Variants in DACT2 observed in about 807,000 individuals in gnomAD.
DACT2 encodes the protein dishevelled binding antagonist of beta catenin 2.
A neutral mutation model predicts 22.2 loss-of-function variants in DACT2; 20 were observed. That is an observed-to-expected ratio of 0.90 (90% CI 0.63 to 1.31). The LOEUF (loss-of-function observed/expected upper bound fraction) is 1.31. Ranked by LOEUF, DACT2 falls within the 50% of genes most tolerant of loss-of-function variation. The pLI, the probability that DACT2 is intolerant of heterozygous loss-of-function variation, is 0.00. For synonymous variants in DACT2, 463 were observed against 479.8 expected, an observed-to-expected ratio of 0.96 and a Z score of 0.46; for missense variants, 1,048 against 1,061.4, an observed-to-expected ratio of 0.99 and a Z score of 0.18.
At chr6:168,316,323 G>A (rs543346443) in intron 1 of DACT2, among the ~76,000 whole-genome samples, 1 of 137,796 alleles carries the variant, frequency 7.3e-6, no homozygotes, top group African/African-American at 2.7e-5. Context: ...CAGAAGCTGC[G>A]ATTGTGTCTG....
At position 168,307,255 on chromosome 6, in the gene DACT2, G is replaced by A. The variant is rs982296605; in HGVS notation, c.*177C>T. On this transcript the variant is annotated 3_prime_UTR_variant, in exon 4 of 4. Coordinates refer to ENST00000366795, the MANE Select transcript of DACT2 (RefSeq NM_214462.5). The surrounding 1 kb of genome is among the most constrained non-coding windows in gnomAD (Gnocchi z 5.3). ...TCCGCATGGAAGTCTTTGCTGGGGC[G>A]GGGACTCACGGCCATACTCCACAGG... 36 of 1,420,612 alleles carry A rather than the reference G, an allele frequency of 2.5e-5. No individual in the cohort carries two copies. Among genetic ancestry groups the A allele is most frequent in the Admixed American group, 1.5e-4 (5 of 32,858 alleles). 88.0% of individuals were successfully genotyped at this position (1,420,612 alleles called of 1,614,324 possible).
intron 1 of DACT2, among the ~76,000 whole-genome samples, chr6:168,312,101 C>T (rs1344711211): frequency 6.6e-6 from 1 of 152,202 alleles, no homozygotes; most frequent in African/African-American, 2.4e-5. Flanking sequence ...CTGTTACAGG[C>T]TTCGGCAGAG....
rs1413159198 is a variant in DACT2 at position 168,308,699 on chromosome 6, T to C, written c.1058A>G (p.Glu353Gly). 6.5e-7 allele frequency: 1 copy of C among 1,547,828 alleles called. No individual in the cohort carries two copies. ...CGCTGCATGCCTTAGAGGTCCCTGT[T>C]CTCCCTCGCTACCCTTTGCTGGGGT... The part of the protein sequence containing the change: ...RETPAKGSEG[E>G]QGPLRHAASP... The change falls in exon 4 of 4, where the codon GAA becomes GGA. Residue 353 changes from glutamate to glycine, a missense_variant. Transcript: ENST00000366795.
rs1779317674 is a variant in DACT2, at chr6:168,309,031, G to A, written c.726C>T (p.Leu242=). ...TATCCACCCCCTGGCAGAGGAGCCC[G>A]AGGAGCTCGGCGTCCGCGCTGGCTT... The part of the protein sequence containing the change: ...LQKASADAEL[L]GLLCQGVDIP... The change falls in exon 4 of 4, where the codon CTC becomes CTT. Residue 242 remains leucine, a synonymous_variant. Coordinates refer to ENST00000366795, the MANE Select transcript of DACT2 (RefSeq NM_214462.5). 4 of 1,545,984 alleles carry A rather than the reference G, an allele frequency of 2.6e-6. No individual in the cohort carries two copies. Among genetic ancestry groups the A allele is most frequent in the South Asian group, 1.2e-5 (1 of 84,024 alleles).
intron 3 of DACT2, among the ~76,000 whole-genome samples, chr6:168,297,323 GGGGAAA>G (rs1779024863): frequency 6.6e-6 from 1 of 152,188 alleles, no homozygotes; most frequent in Admixed American, 6.5e-5. Context: ...TGACCCGAGA[GGGGAAA>G]CTATCCCCAA....
Position 168,310,180 on chromosome 6 carries a change from G to C in DACT2, c.646C>G (p.Pro216Ala). The change falls in exon 3 of 4, where the codon CCT (proline) becomes GCT (alanine). Residue 216 changes from proline (P) to alanine (A), a missense_variant. Physicochemically the swap from Pro to Ala is conservative, Grantham distance 27. Coordinates refer to ENST00000366795, the MANE Select transcript of DACT2 (RefSeq NM_214462.5). ...GQPWGTFWPR[P>A]VSTGDLDRAL... ...GGCAGTTTCTTACCTGTAGACACAG[G>C]CCTGGGCCAGAATGTGCCCCACGGC... 2 of 1,549,986 alleles carry C rather than the reference G, an allele frequency of 1.3e-6. No homozygotes were observed. The highest frequency in any genetic ancestry group is 2.4e-5 in the South Asian group (2 of 84,004).
At chr6:168,309,407 A>AGGGCCGTTTGAGTGTAGACACAGGGTGCG (rs1779331874) in intron 3 of DACT2, among the ~76,000 whole-genome samples, 1 of 66,700 alleles carries the variant, frequency 1.5e-5, no homozygotes, top group East Asian at 1.4e-3. Context: ...GACACCGCAC[A>AGGGCCGTTTGAGTGTAGACACAGGGTGCG]GGGCCGTTTG....
intron 2 of DACT2, among the ~76,000 whole-genome samples, chr6:168,310,753 G>A (rs538038595): frequency 3.9e-5 from 6 of 152,284 alleles, no homozygotes; most frequent in African/African-American, 1.4e-4. Context: ...GCCTGCCTAA[G>A]AGGTGGCCTC....
In DACT2 at chr6:168,308,282, G is replaced by T. The variant is rs893871122; in HGVS notation, c.1475C>A (p.Pro492His). 4 of 1,552,232 alleles carry T rather than the reference G, an allele frequency of 2.6e-6. No homozygotes were observed. Among genetic ancestry groups the T allele is most frequent in the Non-Finnish European group, 3.5e-6 (4 of 1,147,114 alleles). ...SFAASLKMGPPKSKAEKIKRS... is the reference protein window; with the variant it reads ...SFAASLKMGPHKSKAEKIKRS... Reference sequence around the variant, plus strand: ...CTTGATTTTTTCAGCCTTGCTCTTGGGGGGACCCATTTTCAGGCTGGCAGC... The same window carrying T: ...CTTGATTTTTTCAGCCTTGCTCTTGTGGGGACCCATTTTCAGGCTGGCAGC... The change falls in exon 4 of 4, where the codon CCC becomes CAC. Residue 492 changes from proline (P) to histidine (H), a missense_variant. By Grantham distance (77) the Pro-to-His change is moderately conservative. Transcript: ENST00000366795.
chr6:168,319,750 C>G lies in DACT2; in HGVS notation c.-117G>C. ...CGCCTCCTCTCTCCGCCCCCGGCTCCGCAGGTCGCCAAGGTGGGCTGGAAT... is the reference window on the plus strand; with the variant it reads ...CGCCTCCTCTCTCCGCCCCCGGCTCGGCAGGTCGCCAAGGTGGGCTGGAAT... On this transcript the variant is annotated 5_prime_UTR_variant, in exon 1 of 4. Coordinates refer to ENST00000366795, the MANE Select transcript of DACT2 (RefSeq NM_214462.5). 1 of 1,176,814 alleles carries G rather than the reference C, an allele frequency of 8.5e-7. No homozygotes were observed. The highest frequency in any genetic ancestry group is 1.0e-6 in the Non-Finnish European group (1 of 952,488). 72.9% of individuals were successfully genotyped at this position (1,176,814 alleles called of 1,614,324 possible). A position where few individuals can be genotyped will look rare whatever the true frequency, so the allele number is the denominator to read the frequency against.
chr6:168,311,407 T>A, intron 1 of DACT2, 123 bp from the exon 2 acceptor site: 1 of 1,252,600 alleles, frequency 8.0e-7, no homozygotes, highest in Non-Finnish European at 1.1e-6. Context: ...GCGAAATACA[T>A]CTTCTAAATC....
intron 3 of DACT2, 125 bp downstream of exon 3, chr6:168,310,043 G>T: frequency 7.1e-7 from 1 of 1,404,652 alleles, no homozygotes. Flanking sequence ...GCCTTCCAGC[G>T]TCCCTTAGAG....
chr6:168,296,176 G>A (rs1465028730), intron 3 of DACT2, among the ~76,000 whole-genome samples: 1 of 147,472 alleles, frequency 6.8e-6, no homozygotes, highest in South Asian at 2.2e-4. Context: ...ATCACGGAAA[G>A]AGCAGATCCA....
At chr6:168,293,739 A>T (rs1778950504) in exon 6 of DACT2, 1 of 650,804 alleles carries the variant, frequency 1.5e-6, no homozygotes. Context: ...ACTTCTCTGC[A>T]GCTCCCACTG....
chr6:168,309,924 G>A (rs1222686702), intron 3 of DACT2, among the ~76,000 whole-genome samples: 1 of 151,488 alleles, frequency 6.6e-6, no homozygotes, highest in African/African-American at 2.4e-5. Context: ...GCTTGCTGAT[G>A]TCCATTTTAA....
chr6:168,309,343 G>A (rs564297064), intron 3 of DACT2, among the ~76,000 whole-genome samples: 1 of 86,786 alleles, frequency 1.2e-5, no homozygotes, highest in East Asian at 8.8e-4. Context: ...TTTAGACACA[G>A]GGTGCAGGGC....
In DACT2 at chr6:168,310,552, G is replaced by A. The variant is rs1275169297; in HGVS notation, c.380-106C>T. 3.5e-6 allele frequency: 5 copies of A among 1,422,312 alleles called. No individual in the cohort carries two copies. The East Asian group carries it at 7.6e-5, about 22-fold the overall frequency. 88.1% of individuals were successfully genotyped at this position (1,422,312 alleles called of 1,614,324 possible). The stretch of plus-strand genomic sequence containing the variant: ...CACAGGTGGGCCCAGGGGAACCCCT[G>A]AGCTGAGGCTACCGGAGGCTGTGTG... On this transcript the variant is annotated intron_variant, in intron 2 of 3. Coordinates refer to ENST00000366795, the MANE Select transcript of DACT2 (RefSeq NM_214462.5).
downstream of DACT2, among the ~76,000 whole-genome samples, chr6:168,303,798 A>G (rs1028967569): frequency 2.6e-5 from 4 of 152,194 alleles, no homozygotes; most frequent in Admixed American, 6.5e-5. Flanking sequence ...GTTTTCTTCA[A>G]TGATAACGTA....
exon 6 of DACT2, chr6:168,293,404 T>C (rs916533039): frequency 6.5e-6 from 1 of 153,506 alleles, no homozygotes; most frequent in African/African-American, 2.4e-5. Context: ...CCTAAAAAGA[T>C]TAACTTTTCC....
Sources: allele counts gnomAD v4.1 joint callset (sites outside exome capture counted in the v4.1 genomes callset), GRCh38; gene constraint gnomAD v4.1.1; non-coding constraint Gnocchi (gnomAD v3.1); transcripts MANE v1.5; gene names NCBI Gene and HGNC (gene_info 2026-07-23, HGNC 2026-07-21).